BNC2: variants seen among roughly 807,000 people sequenced by gnomAD.
The protein encoded by BNC2 is basonuclin zinc finger protein 2.
A neutral mutation model predicts 76.3 loss-of-function variants in BNC2; 20 were observed. The ratio of observed to expected loss-of-function variants is 0.26; its 90% CI spans 0.18 to 0.38. The LOEUF is 0.38. Among genes scored for constraint, BNC2 ranks in the 10% least tolerant of loss-of-function variants. BNC2 has a pLI of 1.00. For synonymous variants in BNC2, 582 were observed against 514.8 expected (o/e 1.13, Z -1.77); for missense variants, 1,382 against 1,399.8 (o/e 0.99, Z 0.20).
chr9:16,668,459 A>G (rs1477346153), intron 3 of BNC2, among the ~76,000 whole-genome samples: 2 of 152,228 alleles, frequency 1.3e-5, no homozygotes, highest in Non-Finnish European at 2.9e-5. Flanking sequence ...AGGGTATACC[A>G]TACATGAGTG....
At chr9:16,678,544 G>A (rs992276923) in intron 3 of BNC2, among the ~76,000 whole-genome samples, 7 of 151,652 alleles carry the variant, frequency 4.6e-5, no homozygotes, top group South Asian at 4.2e-4. Flanking sequence ...GATTACAGGC[G>A]TGAGCCACCG....
chr9:16,498,449 A>G (rs889528068), intron 5 of BNC2, among the ~76,000 whole-genome samples: 11 of 151,290 alleles, frequency 7.3e-5, no homozygotes, highest in Admixed American at 7.3e-4. Context: ...ACTCACTGAT[A>G]TGTGGGAGCT....
chr9:16,502,175 C>T (rs1822533025), intron 5 of BNC2, among the ~76,000 whole-genome samples: 1 of 152,000 alleles, frequency 6.6e-6, no homozygotes, highest in South Asian at 2.1e-4. Context: ...CTAGCCTGGG[C>T]AACATGGTGA....
chr9:16,547,440 T>C (rs1002594618), intron 5 of BNC2, among the ~76,000 whole-genome samples: 5 of 152,208 alleles, frequency 3.3e-5, no homozygotes, highest in Non-Finnish European at 4.4e-5. Flanking sequence ...GCTAAACAGG[T>C]TTCCCTAGCC....
At chr9:16,618,412 G>A (rs1009372542) in intron 3 of BNC2, among the ~76,000 whole-genome samples, 2 of 152,112 alleles carry the variant, frequency 1.3e-5, no homozygotes, top group African/African-American at 2.4e-5. Context: ...ATCTGTTCAC[G>A]GGAGGACGCC....
At chr9:16,549,318 G>A (rs555053287) in intron 5 of BNC2, among the ~76,000 whole-genome samples, 2 of 152,102 alleles carry the variant, frequency 1.3e-5, no homozygotes, top group Non-Finnish European at 2.9e-5. Flanking sequence ...GTAGCCAACT[G>A]CTAACCAAGT....
chr9:16,543,011 G>C (rs1454983772), intron 5 of BNC2, among the ~76,000 whole-genome samples: 1 of 152,072 alleles, frequency 6.6e-6, no homozygotes, highest in Non-Finnish European at 1.5e-5. Context: ...TCCTGTACAA[G>C]TCCCCCTCAT....
At chr9:16,499,487 C>T (rs1822472092) in intron 5 of BNC2, among the ~76,000 whole-genome samples, 1 of 151,706 alleles carries the variant, frequency 6.6e-6, no homozygotes, top group South Asian at 2.1e-4. Flanking sequence ...TTTCCATTTG[C>T]ACTGCCATCA....
At chr9:16,802,016 C>T (rs1817797830) in intron 1 of BNC2, among the ~76,000 whole-genome samples, 1 of 152,034 alleles carries the variant, frequency 6.6e-6, no homozygotes, top group Non-Finnish European at 1.5e-5. Flanking sequence ...ATTTTTTTCA[C>T]AAGCACTCAT....
At chr9:16,496,754 A>T (rs572324674) in intron 5 of BNC2, among the ~76,000 whole-genome samples, 1 of 152,316 alleles carries the variant, frequency 6.6e-6, no homozygotes, top group Non-Finnish European at 1.5e-5. Context: ...GATCTCAACA[A>T]TCAAAATATT....
chr9:16,487,953 G>A (rs373862338), intron 5 of BNC2, among the ~76,000 whole-genome samples: 20 of 152,302 alleles, frequency 1.3e-4, no homozygotes, highest in African/African-American at 4.6e-4. Flanking sequence ...GTTTAGAAGA[G>A]AGGGCTCAAT....
chr9:16,748,967 A>G (rs1231185952), intron 1 of BNC2, among the ~76,000 whole-genome samples: 1 of 146,408 alleles, frequency 6.8e-6, no homozygotes, highest in African/African-American at 2.6e-5. Flanking sequence ...ACAAAATAAA[A>G]AAATTAATAT....
At chr9:16,461,625 G>C (rs1053447352) in intron 5 of BNC2, among the ~76,000 whole-genome samples, 3 of 151,912 alleles carry the variant, frequency 2.0e-5, no homozygotes, top group Non-Finnish European at 2.9e-5. Context: ...TTTGTAAGGA[G>C]GTTTCGGGTA....
At chr9:16,676,324 A>G (rs1822641436) in intron 3 of BNC2, among the ~76,000 whole-genome samples, 1 of 152,226 alleles carries the variant, frequency 6.6e-6, no homozygotes, top group South Asian at 2.1e-4. Flanking sequence ...GTGTGTATGT[A>G]CATACAAAAT....
In BNC2 at chr9:16,419,028, A is replaced by C; in HGVS notation, c.3261T>G (p.Pro1087=). The C allele has an allele frequency of 6.2e-7, 1 of 1,614,150 alleles. No individual in the cohort carries two copies. Among genetic ancestry groups the C allele is most frequent in the Non-Finnish European group, 8.5e-7 (1 of 1,180,028 alleles). Reference sequence around the variant, plus strand: ...TGAAGGGAATGTTTTTGTGGAGATTAGGGTTCTGACTGTGCCGATTTCGGC... The same window carrying C: ...TGAAGGGAATGTTTTTGTGGAGATTCGGGTTCTGACTGTGCCGATTTCGGC... ...VRSRNRHSQN[P]NLHKNIPFTS... Residue 1087 remains proline (P), a synonymous_variant, in exon 7 of 7, where the codon CCT becomes CCG. Coordinates refer to ENST00000380672, the MANE Select transcript of BNC2 (RefSeq NM_017637.6).
intron 1 of BNC2, among the ~76,000 whole-genome samples, chr9:16,806,046 G>A (rs1295730469): frequency 6.6e-6 from 1 of 152,200 alleles, no homozygotes; most frequent in Non-Finnish European, 1.5e-5. Context: ...TGACCAAACT[G>A]AGGGAAAGTC....
Position 16,552,464 on chromosome 9 carries a change from G to A in BNC2, c.669+66C>T, listed in dbSNP as rs1297265839. The A allele has an allele frequency of 1.4e-6, 2 of 1,395,732 alleles. 1 individual carries two copies. The highest frequency in any genetic ancestry group is 2.0e-6 in the Non-Finnish European group (2 of 993,802). The allele number at this position is 1,395,732 out of a possible 1,614,324, so 86.5% of individuals were successfully genotyped here. ...CAGCCCTTCCTGCGAGGTTTGTCAA[G>A]GACTCTCACCCTTCCCCACCCACAG... On this transcript the variant is annotated intron_variant, in intron 5 of 6. Coordinates refer to ENST00000380672, the MANE Select transcript of BNC2 (RefSeq NM_017637.6).
chr9:16,419,815 C>T lies in BNC2; in HGVS notation c.2640-166G>A, dbSNP rs114965377. 7.7e-3 allele frequency among the ~76,000 whole-genome samples: 1,172 copies of T among 152,234 alleles called. 17 individuals carry two copies. The highest frequency in any genetic ancestry group is 0.027 in the African/African-American group (1,105 of 41,540). On this transcript the variant is annotated intron_variant, in intron 6 of 6. Transcript: ENST00000380672. ...AAGCATTCCCCTATATCCTCAGGAT[C>T]TGGGAGTTAGTGGTGGTGGTGAGAG... is the stretch of plus-strand genomic sequence containing the variant.
chr9:16,645,224 T>C (rs574446603), intron 3 of BNC2, among the ~76,000 whole-genome samples: 112 of 152,288 alleles, frequency 7.4e-4, no homozygotes, highest in African/African-American at 2.4e-3. Flanking sequence ...AGGGAGACAG[T>C]CTAGGTTTCT....
Sources: gnomAD v4.1 joint callset for allele counts (sites outside exome capture counted in the v4.1 genomes callset) on GRCh38, gnomAD v4.1.1 for gene constraint, MANE v1.5 for transcripts, NCBI Gene and HGNC (gene_info 2026-07-23, HGNC 2026-07-21) for gene names.